The following TIAM2 variants were observed in gnomAD, a reference collection of about 807,000 sequenced individuals.
The protein encoded by TIAM2 is rho guanine nucleotide exchange factor TIAM2.
A neutral mutation model predicts 152.9 loss-of-function variants in TIAM2; 80 were observed. The ratio of observed to expected loss-of-function variants is 0.52; its 90% CI spans 0.44 to 0.63. The LOEUF (loss-of-function observed/expected upper bound fraction) is 0.63. Ranked by LOEUF, TIAM2 falls within the 30% of genes least tolerant of loss-of-function variation. The pLI is 0.00. For synonymous variants in TIAM2, 804 were observed against 838.0 expected, an observed-to-expected ratio of 0.96 and a Z score of 0.70; for missense variants, 1,965 against 2,120.1, an observed-to-expected ratio of 0.93 and a Z score of 1.44.
At chr6:155,014,448 C>T (rs1317341352) in intron 1 of TIAM2, among the ~76,000 whole-genome samples, 1 of 151,854 alleles carries the variant, frequency 6.6e-6, no homozygotes, top group East Asian at 1.9e-4. Flanking sequence ...CACCGTAGTG[C>T]TTTTTTTTCT....
At chr6:155,057,288 C>T (rs962311423) in intron 1 of TIAM2, among the ~76,000 whole-genome samples, 1 of 151,848 alleles carries the variant, frequency 6.6e-6, no homozygotes, top group African/African-American at 2.4e-5. Flanking sequence ...ATTTGCCCGC[C>T]TCAGCCTCCC....
At position 155,193,784 on chromosome 6, in the gene TIAM2, C is replaced by T. The variant is rs116260604; in HGVS notation, c.3064+10284C>T. Among the ~76,000 whole-genome samples the T allele has an allele frequency of 3.2e-3, 486 of 152,218 alleles. 3 individuals carry two copies. The highest frequency in any genetic ancestry group is 0.01 in the African/African-American group (430 of 41,540). On this transcript the variant is annotated intron_variant, in intron 14 of 26. Transcript: ENST00000682666. Reference sequence around the variant, plus strand: ...TGAGGACATTCTTAAGTGAAACTGGCGCATTTTTAAATGTAAGAGTGTGGC... The same window carrying T: ...TGAGGACATTCTTAAGTGAAACTGGTGCATTTTTAAATGTAAGAGTGTGGC...
chr6:155,172,175 C>T (rs776997260), intron 9 of TIAM2, among the ~76,000 whole-genome samples: 2 of 152,110 alleles, frequency 1.3e-5, no homozygotes, highest in African/African-American at 2.4e-5. Context: ...GATTTGCAGA[C>T]GTTCACTAGT....
Position 155,209,904 on chromosome 6 carries a change from G to T in TIAM2, c.3065-1300G>T, listed in dbSNP as rs139082854. Among the ~76,000 whole-genome samples the T allele has an allele frequency of 7.9e-4, 120 of 152,230 alleles. 1 individual carries two copies. Among genetic ancestry groups the T allele is most frequent in the African/African-American group, 2.7e-3 (111 of 41,530 alleles). On this transcript the variant is annotated intron_variant, in intron 14 of 26. Transcript: ENST00000682666. ...TCCAGGGGTTCCCCTAGCTTCTAAA[G>T]GTTCTCCAGAAACCATCTTCCCTGC...
chr6:155,073,722 C>T (rs143630613), intron 1 of TIAM2, among the ~76,000 whole-genome samples: 103 of 152,238 alleles, frequency 6.8e-4, no homozygotes, highest in African/African-American at 2.3e-3. Flanking sequence ...CGAGCTACCC[C>T]GCTTGCTTAT....
intron 14 of TIAM2, among the ~76,000 whole-genome samples, chr6:155,190,432 G>T (rs2115164361): frequency 6.6e-6 from 1 of 152,316 alleles, no homozygotes; most frequent in East Asian, 1.9e-4. Context: ...GTCCTCACCG[G>T]TCCCCTTTAG....
At chr6:155,153,984 A>G (rs1780040611) in intron 7 of TIAM2, among the ~76,000 whole-genome samples, 1 of 152,172 alleles carries the variant, frequency 6.6e-6, no homozygotes, top group Non-Finnish European at 1.5e-5. Flanking sequence ...AGGAACAAGT[A>G]CTTGCTTAAA....
At chr6:155,148,084 C>A in intron 6 of TIAM2, 26 bp from the exon 7 acceptor site, 1 of 1,610,872 alleles carries the variant, frequency 6.2e-7, no homozygotes, top group Non-Finnish European at 8.5e-7. Flanking sequence ...TGATTCGAAA[C>A]AGGCTTTCTC....
intron 1 of TIAM2, among the ~76,000 whole-genome samples, chr6:155,074,876 A>C (rs1257456200): frequency 6.6e-6 from 1 of 151,360 alleles, no homozygotes; most frequent in Non-Finnish European, 1.5e-5. Flanking sequence ...AAAAAAAAAA[A>C]AACCTCTGAG....
At position 155,216,899 on chromosome 6, in the gene TIAM2, G is replaced by A. The variant is rs966460566; in HGVS notation, c.3168+5592G>A. On this transcript the variant is annotated intron_variant, in intron 15 of 26. Coordinates refer to ENST00000682666, the MANE Select transcript of TIAM2 (RefSeq NM_012454.4). ...CCCAATCACCGGTGCTGCTGTGGAGGAAGAGCTTGGTGGCGCTAGGACGTC... is the reference window on the plus strand; with the variant it reads ...CCCAATCACCGGTGCTGCTGTGGAGAAAGAGCTTGGTGGCGCTAGGACGTC... The A allele has an allele frequency of 2.5e-6, 3 of 1,179,720 alleles. No homozygotes were observed. In the African/African-American group the frequency reaches 4.9e-5, roughly 19 times the overall value. The allele number at this position is 1,179,720 out of a possible 1,614,324, so 73.1% of individuals were successfully genotyped here. A position where few individuals can be genotyped will look rare whatever the true frequency, so the allele number is the denominator to read the frequency against.
intron 11 of TIAM2, 60 bp downstream of exon 11, chr6:155,179,203 G>A: frequency 6.6e-7 from 1 of 1,525,228 alleles, no homozygotes; most frequent in Non-Finnish European, 9.0e-7. Flanking sequence ...CTTTGATTTT[G>A]AAAAATGTCA....
At chr6:155,099,649 G>A (rs1178868359) in intron 2 of TIAM2, among the ~76,000 whole-genome samples, 1 of 152,178 alleles carries the variant, frequency 6.6e-6, no homozygotes, top group Non-Finnish European at 1.5e-5. Context: ...TGATAGCATT[G>A]AAGTTATTAA....
intron 19 of TIAM2, 31 bp from the exon 20 acceptor site, chr6:155,247,969 C>T (rs1783431197): frequency 6.2e-7 from 1 of 1,607,368 alleles, no homozygotes; most frequent in East Asian, 2.2e-5. Flanking sequence ...CCACTGTGCT[C>T]TTCTGAGGTC....
chr6:155,035,717 A>G (rs1196138358), intron 1 of TIAM2, among the ~76,000 whole-genome samples: 1 of 152,158 alleles, frequency 6.6e-6, no homozygotes. Context: ...AAAGGCTGTA[A>G]GTTCTTGTAC....
chr6:155,065,448 GT>G (rs574248725), intron 1 of TIAM2, among the ~76,000 whole-genome samples: 6 of 150,560 alleles, frequency 4.0e-5, no homozygotes, highest in East Asian at 1.9e-4. Flanking sequence ...TTTCAACTGT[GT>G]TTTTTTTTAG....
In TIAM2 at chr6:155,182,209, T is replaced by C; in HGVS notation, c.2708-17T>C. Reference sequence around the variant, plus strand: ...GGTGGGCTGAGACTTGCTTTTTCCTTTTGTTTTCATTCCTAGGGTTTGCAG... The same window carrying C: ...GGTGGGCTGAGACTTGCTTTTTCCTCTTGTTTTCATTCCTAGGGTTTGCAG... On this transcript the variant is annotated splice_polypyrimidine_tract_variant and intron_variant, in intron 12 of 26. Transcript: ENST00000682666. 1 of 1,612,208 alleles carries C rather than the reference T, an allele frequency of 6.2e-7. No individual in the cohort carries two copies. The highest frequency in any genetic ancestry group is 8.5e-7 in the Non-Finnish European group (1 of 1,178,314).
chr6:155,242,359 C>G (rs1783082051), intron 16 of TIAM2, among the ~76,000 whole-genome samples: 1 of 152,200 alleles, frequency 6.6e-6, no homozygotes, highest in East Asian at 1.9e-4. Flanking sequence ...TGTTTTTTAA[C>G]CTGGATCCCC....
rs757700844 is a variant in TIAM2 at position 155,129,831 on chromosome 6, C to A, written c.608C>A (p.Thr203Asn). 6.2e-7 allele frequency: 1 copy of A among 1,613,676 alleles called. No individual in the cohort carries two copies. The highest frequency in any genetic ancestry group is 8.5e-7 in the Non-Finnish European group (1 of 1,180,038). ...EPVQLLRYSPTLASETSPVPE... is the reference protein window; with the variant it reads ...EPVQLLRYSPNLASETSPVPE... The stretch of plus-strand genomic sequence containing the variant: ...GTGCAGCTGCTGAGGTACTCACCTA[C>A]CTTAGCATCGGAAACCTCCCCTGTG... Residue 203 changes from threonine (T) to asparagine (N), a missense_variant, in exon 4 of 27, where the codon ACC becomes AAC. Transcript: ENST00000682666. The surrounding 1 kb of genome is among the most constrained non-coding windows in gnomAD (Gnocchi z 4.8).
intron 2 of TIAM2, among the ~76,000 whole-genome samples, chr6:155,108,609 CAA>C (rs1778755026): frequency 6.6e-6 from 1 of 152,148 alleles, no homozygotes; most frequent in Non-Finnish European, 1.5e-5. Flanking sequence ...AGTGACTTTC[CAA>C]AGCCCTCTCA....
Sources: allele counts gnomAD v4.1 joint callset (sites outside exome capture counted in the v4.1 genomes callset), GRCh38; gene constraint gnomAD v4.1.1; non-coding constraint Gnocchi (gnomAD v3.1); transcripts MANE v1.5; gene names NCBI Gene and HGNC (gene_info 2026-07-23, HGNC 2026-07-21).